NRCAM: variants seen among roughly 807,000 people sequenced by gnomAD.
NRCAM encodes neuronal cell adhesion molecule, also known as NgCAM-related cell adhesion molecule.
Under a neutral mutation model 156.5 loss-of-function variants are expected in NRCAM, and 83 were observed. The ratio of observed to expected loss-of-function variants is 0.53; its 90% confidence interval spans 0.44 to 0.64. NRCAM has a LOEUF of 0.64. NRCAM is among the 30% of genes least tolerant of loss of function. The probability of loss-of-function intolerance (pLI) is 0.00; values close to 1 mark genes in which losing one functional copy is unlikely to be tolerated. For missense variants in NRCAM, 1,417 were observed against 1,597.3 expected, an observed-to-expected ratio of 0.89 and a Z score of 1.92; for synonymous variants, 538 against 563.9, an observed-to-expected ratio of 0.95 and a Z score of 0.65.
chr7:108,360,088 T>C (rs1402770214), intron 2 of NRCAM, among the ~76,000 whole-genome samples: 1 of 152,208 alleles, frequency 6.6e-6, no homozygotes, highest in Non-Finnish European at 1.5e-5. Flanking sequence ...TCTGCTCTAT[T>C]GTATGGAGGC....
At position 108,240,171 on chromosome 7, in the gene NRCAM, C is replaced by A; in HGVS notation, c.-106-1G>T. 1.5e-6 allele frequency: 1 copy of A among 687,288 alleles called. No homozygotes were observed. Among genetic ancestry groups the A allele is most frequent in the Non-Finnish European group, 2.6e-6 (1 of 391,690 alleles). 42.6% of individuals were successfully genotyped at this position (687,288 alleles called of 1,614,324 possible). On this transcript the variant is annotated splice_acceptor_variant, in intron 3 of 32. Coordinates refer to ENST00000379028, the MANE Select transcript of NRCAM (RefSeq NM_001037132.4). LOFTEE classifies it low-confidence loss of function (5UTR_SPLICE). ...GTTTAAGTAATTTTCATGCGGGAAA[C>A]TGAAAAAGGATAGAGTAGGAATAAT...
chr7:108,346,893 TTCA>T (rs141279837), intron 2 of NRCAM, among the ~76,000 whole-genome samples: 11,376 of 142,612 alleles, frequency 0.08, 433 homozygotes, highest in East Asian at 0.12. Context: ...TTGTTTAATA[TTCA>T]TCATATGTTT....
intron 13 of NRCAM, among the ~76,000 whole-genome samples, chr7:108,198,420 T>C (rs1165579285): frequency 6.6e-6 from 1 of 152,164 alleles, no homozygotes; most frequent in Non-Finnish European, 1.5e-5. Context: ...CTTTAAGTTT[T>C]AGGGTACATG....
intron 1 of NRCAM, among the ~76,000 whole-genome samples, chr7:108,422,000 T>C (rs1027924827): frequency 3.3e-5 from 5 of 152,132 alleles, no homozygotes; most frequent in African/African-American, 1.2e-4. Context: ...AGTGGAACAG[T>C]AGTCAAAATA....
intron 1 of NRCAM, among the ~76,000 whole-genome samples, chr7:108,416,631 G>A (rs1801946551): frequency 6.6e-6 from 1 of 152,064 alleles, no homozygotes; most frequent in Middle Eastern, 3.2e-3. Flanking sequence ...ATACCCCCAA[G>A]GAAAAACTTG....
intron 1 of NRCAM, among the ~76,000 whole-genome samples, chr7:108,427,072 C>A (rs1818235543): frequency 6.6e-6 from 1 of 152,188 alleles, no homozygotes; most frequent in African/African-American, 2.4e-5. Flanking sequence ...CTTACTGTTT[C>A]ACGAACATGC....
chr7:108,274,307 T>C (rs1374705595), intron 3 of NRCAM, among the ~76,000 whole-genome samples: 1 of 152,244 alleles, frequency 6.6e-6, no homozygotes, highest in Non-Finnish European at 1.5e-5. Context: ...GGGATAGCAT[T>C]CAATCTACAA....
At chr7:108,193,525 C>G (rs2073357270) in intron 17 of NRCAM, among the ~76,000 whole-genome samples, 1 of 152,176 alleles carries the variant, frequency 6.6e-6, no homozygotes, top group Non-Finnish European at 1.5e-5. Context: ...CATGCTTGGG[C>G]TCTTTTAAAT....
intron 31 of NRCAM, 39 bp from the exon 32 acceptor site, chr7:108,159,580 T>A: frequency 6.8e-7 from 1 of 1,481,168 alleles, no homozygotes; most frequent in Non-Finnish European, 9.4e-7. Flanking sequence ...CTGTTGATCC[T>A]GTTCTTTCTT....
At chr7:108,386,878 T>C (rs1274424978) in intron 2 of NRCAM, among the ~76,000 whole-genome samples, 1 of 152,174 alleles carries the variant, frequency 6.6e-6, no homozygotes. Context: ...TTAAATACTC[T>C]AGGAAGCATC....
chr7:108,455,622 T>C (rs532061963), intron 1 of NRCAM, among the ~76,000 whole-genome samples: 1 of 152,054 alleles, frequency 6.6e-6, no homozygotes, highest in Admixed American at 6.5e-5. Context: ...CCCCGAGCCC[T>C]CTCCAGGCAG....
chr7:108,177,651 A>ATG (rs2061307765), intron 26 of NRCAM, among the ~76,000 whole-genome samples: 1 of 17,432 alleles, frequency 5.7e-5, no homozygotes, highest in African/African-American at 9.7e-5. Flanking sequence ...ATATATATAT[A>ATG]TATATATATG....
chr7:108,255,365 G>T (rs1326369209), intron 3 of NRCAM, among the ~76,000 whole-genome samples: 1 of 152,158 alleles, frequency 6.6e-6, no homozygotes, highest in Non-Finnish European at 1.5e-5. Flanking sequence ...ACGGGGTTTC[G>T]CCGTGTTGGC....
intron 28 of NRCAM, 124 bp downstream of exon 28, chr7:108,175,198 T>G: frequency 1.5e-6 from 1 of 662,458 alleles, no homozygotes; most frequent in African/African-American, 1.9e-5. Context: ...CAAGATTGGA[T>G]GAGATCTTCT....
At chr7:108,419,071 G>C (rs1013378325) in intron 1 of NRCAM, among the ~76,000 whole-genome samples, 4 of 152,080 alleles carry the variant, frequency 2.6e-5, no homozygotes, top group African/African-American at 9.7e-5. Context: ...GTCCGCTCTG[G>C]TTAGGGCTTA....
At chr7:108,411,072 C>A (rs1186985068) in intron 1 of NRCAM, among the ~76,000 whole-genome samples, 1 of 152,072 alleles carries the variant, frequency 6.6e-6, no homozygotes, top group Non-Finnish European at 1.5e-5. Context: ...TTCCAACTTT[C>A]CACTACTTCA....
chr7:108,209,654 G>A, intron 11 of NRCAM, 49 bp from the exon 12 acceptor site: 1 of 1,340,210 alleles, frequency 7.5e-7, no homozygotes, highest in Admixed American at 2.5e-5. Context: ...ATCCACCTAT[G>A]ACTACTTTTG....
chr7:108,225,063 T>C (rs576408429), intron 10 of NRCAM, among the ~76,000 whole-genome samples: 133 of 152,222 alleles, frequency 8.7e-4, no homozygotes, highest in Non-Finnish European at 1.6e-3. Context: ...ATCAAATTCA[T>C]TTCTATCTAA....
chr7:108,184,315 G>T lies in NRCAM; in HGVS notation c.2234-4C>A, dbSNP rs2065353908. The stretch of plus-strand genomic sequence containing the variant: ...GCTGTGGGGTTTTTATCTGGTTCTG[G>T]AAGTTAAGCAGCCACACATGTGTAA... On this transcript the variant is annotated splice_region_variant and splice_polypyrimidine_tract_variant and intron_variant, in intron 21 of 32. Coordinates refer to ENST00000379028, the MANE Select transcript of NRCAM (RefSeq NM_001037132.4). 6.2e-7 allele frequency: 1 copy of T among 1,614,006 alleles called. No homozygotes were observed. The highest frequency in any genetic ancestry group is 1.1e-5 in the South Asian group (1 of 91,084).
Sources: allele counts gnomAD v4.1 joint callset (sites outside exome capture counted in the v4.1 genomes callset), GRCh38; gene constraint gnomAD v4.1.1; transcripts MANE v1.5; gene names NCBI Gene and HGNC (gene_info 2026-07-23, HGNC 2026-07-21).